The following CDS1 variants were observed in gnomAD, a reference collection of about 807,000 sequenced individuals.
The protein encoded by CDS1 is CDP-diacylglycerol synthase 1.
In CDS1, 41 loss-of-function variants were observed where a neutral mutation model predicts 62.1. That is an observed-to-expected ratio of 0.66 (90% CI 0.51 to 0.86). The LOEUF (loss-of-function observed/expected upper bound fraction) is 0.86. Ranked by LOEUF, CDS1 falls within the 40% of genes least tolerant of loss-of-function variation. The pLI, the probability that CDS1 is intolerant of heterozygous loss-of-function variation, is 0.00. For missense variants in CDS1, 470 were observed against 550.1 expected (o/e 0.85, Z 1.46); for synonymous variants, 185 against 192.6 (o/e 0.96, Z 0.32).
chr4:84,596,848 C>T (rs996953165), intron 1 of CDS1, among the ~76,000 whole-genome samples: 7 of 152,052 alleles, frequency 4.6e-5, no homozygotes, highest in African/African-American at 9.7e-5. Flanking sequence ...AGAGGAAGAG[C>T]GTAAGTTATA....
At chr4:84,606,592 T>G (rs1410118210) in intron 2 of CDS1, among the ~76,000 whole-genome samples, 1 of 152,238 alleles carries the variant, frequency 6.6e-6, no homozygotes, top group East Asian at 1.9e-4. Context: ...TAAACATTTT[T>G]CTTTGTAGTA....
At position 84,641,413 on chromosome 4, in the gene CDS1, A is replaced by G. The variant is rs577057405; in HGVS notation, c.1032+423A>G. ...TAAAAGTGGGATTCAGATTTGTACA[A>G]GAAACTGATTTCTGTAGAATTTTTA... On this transcript the variant is annotated intron_variant, in intron 10 of 12. Transcript: ENST00000295887. Among the ~76,000 whole-genome samples, 357 of 152,326 alleles carry G rather than the reference A, an allele frequency of 2.3e-3. 1 individual carries two copies. The highest frequency in any genetic ancestry group is 4.6e-3 in the Admixed American group (70 of 15,292).
intron 10 of CDS1, among the ~76,000 whole-genome samples, chr4:84,642,592 G>A (rs1425602856): frequency 6.6e-6 from 1 of 151,806 alleles, no homozygotes; most frequent in Admixed American, 6.6e-5. Flanking sequence ...CTTAATTTTA[G>A]AGAAAAGTCC....
chr4:84,635,380 C>T (rs758269580), intron 8 of CDS1, 29 bp downstream of exon 8: 1 of 1,026,608 alleles, frequency 9.7e-7, no homozygotes, highest in East Asian at 2.4e-5. Context: ...AAGCAAGCCA[C>T]TATGTAACCT....
chr4:84,603,246 G>C (rs1018857199), intron 1 of CDS1, among the ~76,000 whole-genome samples: 3 of 152,120 alleles, frequency 2.0e-5, no homozygotes, highest in African/African-American at 7.2e-5. Flanking sequence ...TTATTCCTAG[G>C]ATTATTTCAG....
At position 84,606,326 on chromosome 4, in the gene CDS1, G is replaced by A. The variant is rs1723094078; in HGVS notation, c.245+1956G>A. On this transcript the variant is annotated intron_variant, in intron 2 of 12. Transcript: ENST00000295887. ...GTGCAGTGTGTGTGTGTGTGTGTGTGTGTGTATGTGTGTGTATGTATGGAT... is the reference window on the plus strand; with the variant it reads ...GTGCAGTGTGTGTGTGTGTGTGTGTATGTGTATGTGTGTGTATGTATGGAT... 4.6e-5 allele frequency among the ~76,000 whole-genome samples: 7 copies of A among 151,152 alleles called. No homozygotes were observed. The South Asian group carries it at 1.5e-3, about 31-fold the overall frequency.
intron 5 of CDS1, among the ~76,000 whole-genome samples, chr4:84,626,818 G>A (rs1053036749): frequency 3.3e-5 from 5 of 152,154 alleles, no homozygotes; most frequent in African/African-American, 1.2e-4. Context: ...TGTATTTGTT[G>A]GATAAACGAT....
chr4:84,611,461 A>G (rs1723321568), intron 3 of CDS1, among the ~76,000 whole-genome samples: 1 of 152,124 alleles, frequency 6.6e-6, no homozygotes, highest in Non-Finnish European at 1.5e-5. Context: ...AATTCTATTC[A>G]TAGCTCATAA....
intron 5 of CDS1, among the ~76,000 whole-genome samples, chr4:84,626,532 T>G (rs1475906911): frequency 6.6e-6 from 1 of 152,208 alleles, no homozygotes; most frequent in Admixed American, 6.5e-5. Context: ...CTTACCCTTC[T>G]GCCTCAGACT....
intron 1 of CDS1, among the ~76,000 whole-genome samples, chr4:84,602,705 A>G (rs1722973074): frequency 6.6e-6 from 1 of 152,208 alleles, no homozygotes; most frequent in South Asian, 2.1e-4. Flanking sequence ...AAAGAAAAAA[A>G]AAACTGATGT....
intron 8 of CDS1, 41 bp from the exon 9 acceptor site, chr4:84,638,883 G>C (rs1334259070): frequency 4.1e-6 from 3 of 724,794 alleles, no homozygotes; most frequent in Admixed American, 5.4e-5. Flanking sequence ...TGAGTTTTGT[G>C]AGTGCAGTAA....
chr4:84,596,620 A>G (rs1009232246), intron 1 of CDS1, among the ~76,000 whole-genome samples: 1 of 152,222 alleles, frequency 6.6e-6, no homozygotes, highest in African/African-American at 2.4e-5. Flanking sequence ...TCAGTTGATT[A>G]GCAAACTTAA....
At chr4:84,645,136 G>A (rs1724518625) in intron 11 of CDS1, 86 bp from the exon 12 acceptor site, 1 of 846,670 alleles carries the variant, frequency 1.2e-6, no homozygotes, top group Admixed American at 1.9e-5. Context: ...GTTAGAGTGA[G>A]TCCATGACGC....
chr4:84,604,390 A>G lies in CDS1; in HGVS notation c.245+20A>G. On this transcript the variant is annotated intron_variant, in intron 2 of 12. Coordinates refer to ENST00000295887, the MANE Select transcript of CDS1 (RefSeq NM_001263.4). Reference sequence around the variant, plus strand: ...TTCAAGGTATGATTGGATGAAGATGAGTATATCTTAGTGCACAAGATAGGC... The same window carrying G: ...TTCAAGGTATGATTGGATGAAGATGGGTATATCTTAGTGCACAAGATAGGC... The G allele has an allele frequency of 6.2e-7, 1 of 1,608,300 alleles. No homozygotes were observed. The highest frequency in any genetic ancestry group is 1.1e-5 in the South Asian group (1 of 89,672).
intron 1 of CDS1, among the ~76,000 whole-genome samples, chr4:84,596,447 C>T (rs764885672): frequency 2.0e-5 from 3 of 152,164 alleles, no homozygotes; most frequent in Non-Finnish European, 4.4e-5. Context: ...AACAGCATGC[C>T]TTGGCTGGTG....
chr4:84,645,286 T>A lies in CDS1; in HGVS notation c.1217T>A (p.Met406Lys). 1 of 1,611,992 alleles carries A rather than the reference T, an allele frequency of 6.2e-7. No individual in the cohort carries two copies. Among genetic ancestry groups the A allele is most frequent in the Non-Finnish European group, 8.5e-7 (1 of 1,178,198 alleles). ...IMDRFDCQYL[M>K]ATFVHVYITS... ...GACAGATTTGATTGTCAGTATTTGA[T>A]GGCAACTTTTGTACATGTGTACATC... The change falls in exon 12 of 13, where the codon ATG becomes AAG. Residue 406 changes from methionine to lysine, a missense_variant. By Grantham distance (95) the Met-to-Lys change is moderately conservative. Coordinates refer to ENST00000295887, the MANE Select transcript of CDS1 (RefSeq NM_001263.4).
chr4:84,595,363 T>TG (rs1411765237), intron 1 of CDS1, among the ~76,000 whole-genome samples: 15 of 152,254 alleles, frequency 9.9e-5, no homozygotes, highest in African/African-American at 9.6e-5. Flanking sequence ...TTCAGTCAGC[T>TG]GGGGGGGCTT....
rs574904940 is a variant in CDS1 at position 84,627,554 on chromosome 4, A to G, written c.581-4265A>G. Among the ~76,000 whole-genome samples the G allele has an allele frequency of 2.6e-5, 4 of 152,314 alleles. No homozygotes were observed. In the South Asian group the frequency reaches 6.2e-4, roughly 24 times the overall value. On this transcript the variant is annotated intron_variant, in intron 5 of 12. Coordinates refer to ENST00000295887, the MANE Select transcript of CDS1 (RefSeq NM_001263.4). The stretch of plus-strand genomic sequence containing the variant: ...ACAGACTTAAGGTGTTTGACCCTTA[A>G]TATCATCACCTTACATTTCTTTATC...
At chr4:84,611,196 C>T (rs181309389) in intron 3 of CDS1, among the ~76,000 whole-genome samples, 54 of 152,208 alleles carry the variant, frequency 3.5e-4, no homozygotes, top group Admixed American at 2.2e-3. Context: ...GTGTTGGAAC[C>T]GAGGAGAAAT....
Sources: gnomAD v4.1 joint callset for allele counts (sites outside exome capture counted in the v4.1 genomes callset) on GRCh38, gnomAD v4.1.1 for gene constraint, MANE v1.5 for transcripts, NCBI Gene and HGNC (gene_info 2026-07-23, HGNC 2026-07-21) for gene names.